SUPT3H: variants seen among roughly 807,000 people sequenced by gnomAD.
SUPT3H encodes the protein SPT3 homolog, SAGA and STAGA complex component.
Under a neutral mutation model 44.3 loss-of-function variants are expected in SUPT3H, and 44 were observed. The ratio of observed to expected loss-of-function variants is 0.99; its 90% CI spans 0.78 to 1.28. The LOEUF (loss-of-function observed/expected upper bound fraction) is 1.28. Ranked by LOEUF, SUPT3H falls within the 50% of genes most tolerant of loss-of-function variation. The pLI is 0.00. For missense variants in SUPT3H, 380 were observed against 387.1 expected (o/e 0.98, Z 0.15); for synonymous variants, 124 against 125.6 (o/e 0.99, Z 0.09).
intron 2 of SUPT3H, among the ~76,000 whole-genome samples, chr6:45,342,067 A>T (rs1428570807): frequency 8.3e-6 from 1 of 120,712 alleles, no homozygotes; most frequent in East Asian, 3.5e-4. Context: ...AGAAACTAAC[A>T]GAAGAATTTG....
chr6:45,182,431 T>G (rs1001112331), intron 2 of SUPT3H, among the ~76,000 whole-genome samples: 26 of 152,072 alleles, frequency 1.7e-4, no homozygotes, highest in African/African-American at 5.3e-4. Context: ...CTGGCTAATT[T>G]TTGCATTTTT....
At chr6:45,200,132 A>C (rs1762248337) in intron 2 of SUPT3H, among the ~76,000 whole-genome samples, 2 of 151,578 alleles carry the variant, frequency 1.3e-5, no homozygotes, top group African/African-American at 2.4e-5. Context: ...ATGAAAGAAA[A>C]ACATTTATAA....
intron 10 of SUPT3H, among the ~76,000 whole-genome samples, chr6:44,904,464 GAC>G (rs1765643390): frequency 6.6e-6 from 1 of 152,110 alleles, no homozygotes; most frequent in African/African-American, 2.4e-5. Context: ...ACTTACAAGG[GAC>G]ATGAAGGACC....
At chr6:44,843,919 ACACACACG>A (rs1457542555) in intron 10 of SUPT3H, among the ~76,000 whole-genome samples, 2 of 33,406 alleles carry the variant, frequency 6.0e-5, no homozygotes, top group Non-Finnish European at 1.3e-4. Context: ...ACACACACAC[ACACACACG>A]CACACACACA....
intron 2 of SUPT3H, among the ~76,000 whole-genome samples, chr6:45,172,055 T>C (rs1810888087): frequency 2.0e-5 from 3 of 148,470 alleles, no homozygotes; most frequent in Non-Finnish European, 4.5e-5. Context: ...TCCAATGGAA[T>C]ATGGTCATTT....
intron 2 of SUPT3H, among the ~76,000 whole-genome samples, chr6:45,280,371 T>C (rs1777799796): frequency 1.3e-5 from 2 of 152,006 alleles, no homozygotes; most frequent in East Asian, 1.9e-4. Context: ...CCAGGAAACA[T>C]AGCACATGCC....
intron 3 of SUPT3H, among the ~76,000 whole-genome samples, chr6:45,065,146 A>G (rs911917655): frequency 4.1e-4 from 63 of 151,988 alleles, no homozygotes; most frequent in African/African-American, 1.4e-3. Context: ...AGAATTCAGG[A>G]TTAAGAATCT....
intron 2 of SUPT3H, among the ~76,000 whole-genome samples, chr6:45,145,991 G>T (rs1395945742): frequency 1.3e-5 from 2 of 152,054 alleles, no homozygotes; most frequent in Admixed American, 6.6e-5. Flanking sequence ...TGTAAGAATG[G>T]CCATAATTTA....
intron 3 of SUPT3H, among the ~76,000 whole-genome samples, chr6:45,025,959 T>C (rs9463058): frequency 0.12 from 17,946 of 152,106 alleles, 1,255 homozygotes; most frequent in African/African-American, 0.19. Context: ...AGTATTTTAA[T>C]GAGACTTCCA....
At chr6:44,914,089 A>AT (rs1319154248) in intron 10 of SUPT3H, among the ~76,000 whole-genome samples, 2 of 152,188 alleles carry the variant, frequency 1.3e-5, no homozygotes, top group African/African-American at 2.4e-5. Flanking sequence ...CTTTGAATAC[A>AT]TTTTTTTAAA....
intron 1 of SUPT3H, among the ~76,000 whole-genome samples, chr6:45,373,737 G>A (rs1214444409): frequency 6.6e-6 from 1 of 152,024 alleles, no homozygotes; most frequent in Non-Finnish European, 1.5e-5. Flanking sequence ...AATTTTAGTA[G>A]AGACGGGGTT....
At chr6:44,939,733 C>T (rs1772095017) in intron 9 of SUPT3H, among the ~76,000 whole-genome samples, 1 of 151,958 alleles carries the variant, frequency 6.6e-6, no homozygotes. Flanking sequence ...AATCTTGGTA[C>T]TTGTTATTGG....
chr6:45,167,080 A>C (rs1422503174), intron 2 of SUPT3H, among the ~76,000 whole-genome samples: 3 of 152,210 alleles, frequency 2.0e-5, no homozygotes, highest in Non-Finnish European at 4.4e-5. Flanking sequence ...TTAACTTTGA[A>C]TTGCCAGGAG....
At chr6:45,151,521 T>C (rs1391251564) in intron 2 of SUPT3H, among the ~76,000 whole-genome samples, 1 of 152,132 alleles carries the variant, frequency 6.6e-6, no homozygotes, top group Non-Finnish European at 1.5e-5. Flanking sequence ...GACTAGATTA[T>C]AATGGAGTGA....
intron 6 of SUPT3H, among the ~76,000 whole-genome samples, chr6:44,966,376 ATTCT>A (rs201469613): frequency 0.027 from 4,132 of 151,264 alleles, 205 homozygotes; most frequent in African/African-American, 0.094. Flanking sequence ...AAAACTGCTT[ATTCT>A]TTGAGATGGT....
intron 10 of SUPT3H, among the ~76,000 whole-genome samples, chr6:44,880,627 C>T (rs1778071521): frequency 1.3e-5 from 2 of 152,124 alleles, no homozygotes; most frequent in South Asian, 2.1e-4. Context: ...ACATAATCAT[C>T]AGATTCACCA....
intron 3 of SUPT3H, among the ~76,000 whole-genome samples, chr6:45,103,561 C>G (rs1284993): frequency 0.87 from 132,315 of 152,140 alleles, 57,773 homozygotes; most frequent in African/African-American, 0.91. Flanking sequence ...GCATATTAGA[C>G]ATGGCAGAAA....
At chr6:44,883,872 A>C (rs569983165) in intron 10 of SUPT3H, among the ~76,000 whole-genome samples, 5 of 152,344 alleles carry the variant, frequency 3.3e-5, no homozygotes, top group South Asian at 2.1e-4. Context: ...AAATTAACTC[A>C]AGATGGATTA....
chr6:44,987,813 G>A (rs1336796969), intron 6 of SUPT3H, among the ~76,000 whole-genome samples: 1 of 152,054 alleles, frequency 6.6e-6, no homozygotes, highest in Non-Finnish European at 1.5e-5. Context: ...TTTTCTCAGT[G>A]CAACAAGATG....
Sources: gnomAD v4.1 joint callset for allele counts (sites outside exome capture counted in the v4.1 genomes callset) on GRCh38, gnomAD v4.1.1 for gene constraint, MANE v1.5 for transcripts, NCBI Gene and HGNC (gene_info 2026-07-23, HGNC 2026-07-21) for gene names.